The following CMIP variants were observed in gnomAD, a reference collection of about 807,000 sequenced individuals.
CMIP encodes C-Maf-inducing protein.
CMIP carries 13 observed loss-of-function variants against 97.3 expected under a neutral mutation model. The ratio of observed to expected loss-of-function variants is 0.13; its 90% CI spans 0.09 to 0.21. The LOEUF (loss-of-function observed/expected upper bound fraction) is 0.21. Ranked by LOEUF, CMIP falls within the 10% of genes least tolerant of loss-of-function variation. The pLI is 1.00. For synonymous variants in CMIP, 538 were observed against 436.3 expected (o/e 1.23, Z -2.91); for missense variants, 847 against 1,024.9 (o/e 0.83, Z 2.37).
chr16:81,511,821 C>T (rs746314402), intron 1 of CMIP, among the ~76,000 whole-genome samples: 1 of 152,200 alleles, frequency 6.6e-6, no homozygotes, highest in Non-Finnish European at 1.5e-5. Context: ...CTCTACCTCT[C>T]AAAGTGCTAG....
chr16:81,705,271 G>C (rs147431718), intron 18 of CMIP, among the ~76,000 whole-genome samples: 1 of 152,184 alleles, frequency 6.6e-6, no homozygotes, highest in East Asian at 1.9e-4. Flanking sequence ...CTCCAAGGGG[G>C]CCCTGGCCTG....
chr16:81,641,649 T>C (rs1049834442), intron 3 of CMIP, among the ~76,000 whole-genome samples: 3 of 152,162 alleles, frequency 2.0e-5, no homozygotes, highest in Non-Finnish European at 2.9e-5. Flanking sequence ...GGAAGCGGCA[T>C]TGAGCACAGG....
At chr16:81,512,947 A>G (rs776252291) in intron 1 of CMIP, among the ~76,000 whole-genome samples, 6 of 152,134 alleles carry the variant, frequency 3.9e-5, no homozygotes, top group Non-Finnish European at 8.8e-5. Flanking sequence ...ATGTTGCCCA[A>G]GCTGGTCTCA....
intron 14 of CMIP, 41 bp from the exon 15 acceptor site, chr16:81,699,644 G>A (rs764825361): frequency 8.2e-6 from 11 of 1,338,006 alleles, no homozygotes; most frequent in South Asian, 2.4e-5. Context: ...GGCTGGCACT[G>A]GGTGTCTCTG....
intron 4 of CMIP, among the ~76,000 whole-genome samples, chr16:81,653,594 C>G (rs2151008986): frequency 6.6e-6 from 1 of 152,358 alleles, no homozygotes; most frequent in East Asian, 1.9e-4. Context: ...CAGGTGCAGA[C>G]TTCTCATCTG....
chr16:81,679,092 C>T (rs745845498), intron 10 of CMIP, among the ~76,000 whole-genome samples: 21 of 152,118 alleles, frequency 1.4e-4, no homozygotes, highest in Admixed American at 4.6e-4. Context: ...GTGTGGACAT[C>T]TCTACTGTGT....
At chr16:81,471,846 A>C (rs1268283155) in intron 1 of CMIP, among the ~76,000 whole-genome samples, 1 of 152,232 alleles carries the variant, frequency 6.6e-6, no homozygotes, top group African/African-American at 2.4e-5. Context: ...AGTGTGGACA[A>C]ACTGGACAGA....
chr16:81,484,106 A>G (rs1487325214), intron 1 of CMIP, among the ~76,000 whole-genome samples: 1 of 152,028 alleles, frequency 6.6e-6, no homozygotes, highest in Admixed American at 6.6e-5. Flanking sequence ...CGTTTTTGCC[A>G]AGTCACCGAG....
intron 1 of CMIP, among the ~76,000 whole-genome samples, chr16:81,558,438 T>C (rs949688895): frequency 1.1e-4 from 16 of 152,340 alleles, no homozygotes; most frequent in African/African-American, 3.4e-4. Flanking sequence ...GTTAAGTTTT[T>C]GGGGACCTGC....
intron 2 of CMIP, among the ~76,000 whole-genome samples, chr16:81,615,961 G>A (rs576368022): frequency 7.0e-4 from 106 of 152,188 alleles, no homozygotes; most frequent in South Asian, 2.9e-3. Context: ...CAGCCTAAAC[G>A]GGGGTGGGGA....
chr16:81,475,695 A>G (rs998045402), intron 1 of CMIP, among the ~76,000 whole-genome samples: 3 of 152,186 alleles, frequency 2.0e-5, no homozygotes, highest in Non-Finnish European at 4.4e-5. Context: ...GTTAAGATAA[A>G]ACACAAGTTG....
At chr16:81,659,716 TGAG>T in intron 5 of CMIP, among the ~76,000 whole-genome samples, 1 of 152,184 alleles carries the variant, frequency 6.6e-6, no homozygotes, top group Non-Finnish European at 1.5e-5. Flanking sequence ...AATTTTGATC[TGAG>T]AAATCCAGGC....
intron 20 of CMIP, among the ~76,000 whole-genome samples, chr16:81,707,909 G>T (rs1321654644): frequency 2.6e-5 from 4 of 152,262 alleles, no homozygotes; most frequent in Non-Finnish European, 2.9e-5. Flanking sequence ...TCGTGCTCTG[G>T]AAGCTACTTA....
intron 1 of CMIP, among the ~76,000 whole-genome samples, chr16:81,489,521 G>T (rs545857159): frequency 4.5e-4 from 68 of 152,340 alleles, no homozygotes; most frequent in African/African-American, 1.5e-3. Context: ...TTCCAAAAGT[G>T]CCGCTGTACC....
At chr16:81,561,759 A>C (rs2090888335) in intron 1 of CMIP, among the ~76,000 whole-genome samples, 1 of 152,224 alleles carries the variant, frequency 6.6e-6, no homozygotes, top group Non-Finnish European at 1.5e-5. Flanking sequence ...GCCACTGGGC[A>C]TGTGTAGCCA....
At chr16:81,635,210 C>T (rs1003342189) in intron 3 of CMIP, among the ~76,000 whole-genome samples, 1 of 151,896 alleles carries the variant, frequency 6.6e-6, no homozygotes, top group Non-Finnish European at 1.5e-5. Flanking sequence ...ACCCCCACCC[C>T]GTAGTCTTTA....
intron 1 of CMIP, chr16:81,519,994 C>G (rs2150804294): frequency 6.6e-6 from 1 of 152,426 alleles, no homozygotes; most frequent in South Asian, 2.1e-4. Context: ...TTCCCTAAAG[C>G]TGTCATTACG....
intron 2 of CMIP, chr16:81,620,225 G>C (rs2091974607): frequency 1.3e-5 from 2 of 152,352 alleles, no homozygotes; most frequent in South Asian, 4.1e-4. Flanking sequence ...AGAAGGTTTT[G>C]TTTCACCCGC....
chr16:81,471,676 C>A (rs74794715), intron 1 of CMIP, among the ~76,000 whole-genome samples: 9,401 of 152,268 alleles, frequency 0.062, 368 homozygotes, highest in South Asian at 0.13. Context: ...GAGTACTGAA[C>A]CCTACATAGA....
Sources: gnomAD v4.1 joint callset for allele counts (sites outside exome capture counted in the v4.1 genomes callset) on GRCh38, gnomAD v4.1.1 for gene constraint, MANE v1.5 for transcripts, NCBI Gene and HGNC (gene_info 2026-07-23, HGNC 2026-07-21) for gene names.